The following PARD6G variants were observed in gnomAD, a reference collection of about 807,000 sequenced individuals.
The protein encoded by PARD6G is partitioning defective 6 homolog gamma.
In PARD6G, 7 loss-of-function variants were observed where a neutral mutation model predicts 10.7. The ratio of observed to expected loss-of-function variants is 0.66; its 90% CI spans 0.37 to 1.23. PARD6G has a LOEUF of 1.23. PARD6G is among the 50% of genes most tolerant of loss of function. PARD6G has a pLI of 0.02. For missense variants in PARD6G, 548 were observed against 571.8 expected (o/e 0.96, Z 0.42); for synonymous variants, 287 against 269.4 (o/e 1.07, Z -0.64).
intron 1 of PARD6G, among the ~76,000 whole-genome samples, chr18:80,215,126 T>C (rs924891289): frequency 2.0e-5 from 3 of 152,068 alleles, no homozygotes; most frequent in African/African-American, 7.2e-5. Flanking sequence ...TAAGCTATCC[T>C]TCCAAAAATG....
chr18:80,209,085 G>A (rs1304202649), intron 1 of PARD6G, among the ~76,000 whole-genome samples: 4 of 151,690 alleles, frequency 2.6e-5, no homozygotes, highest in Non-Finnish European at 5.9e-5. Flanking sequence ...GAGTAACAGA[G>A]TGAGACTCCA....
rs1335857130 is a variant in PARD6G at position 80,193,445 on chromosome 18, T to C, written c.295+9265A>G. 2.0e-5 allele frequency among the ~76,000 whole-genome samples: 3 copies of C among 152,220 alleles called. No homozygotes were observed. In the East Asian group the frequency reaches 5.8e-4, roughly 29 times the overall value. On this transcript the variant is annotated intron_variant, in intron 2 of 2. Coordinates refer to ENST00000353265, the MANE Select transcript of PARD6G (RefSeq NM_032510.4). ...CCCAAGGACATTTTGTAGAAATTTA[T>C]ACTTTTAGGTACAGAGCTGTTTTTT...
At chr18:80,215,437 A>C (rs1428358524) in intron 1 of PARD6G, among the ~76,000 whole-genome samples, 4 of 152,294 alleles carry the variant, frequency 2.6e-5, no homozygotes, top group African/African-American at 9.6e-5. Context: ...TAATTATAAA[A>C]ATGTTTTGAC....
At position 80,159,739 on chromosome 18, in the gene PARD6G, C is replaced by G; in HGVS notation, c.*32G>C. 7.3e-7 allele frequency: 1 copy of G among 1,369,460 alleles called. No homozygotes were observed. The highest frequency in any genetic ancestry group is 9.4e-7 in the Non-Finnish European group (1 of 1,060,280). The allele number at this position is 1,369,460 out of a possible 1,614,324, so 84.8% of individuals were successfully genotyped here. On this transcript the variant is annotated 3_prime_UTR_variant, in exon 3 of 3. Coordinates refer to ENST00000353265, the MANE Select transcript of PARD6G (RefSeq NM_032510.4). Reference sequence around the variant, plus strand: ...TCCTGTCCCTGTCCTTACCGGGGAACTGGAGCTAGGATTTGGGGGCCTCTC... The same window carrying G: ...TCCTGTCCCTGTCCTTACCGGGGAAGTGGAGCTAGGATTTGGGGGCCTCTC...
Position 80,202,744 on chromosome 18 carries a change from T to G in PARD6G, c.261A>C (p.Ala87=), listed in dbSNP as rs1967020136. The G allele has an allele frequency of 1.9e-6, 3 of 1,613,356 alleles. No individual in the cohort carries two copies. In the South Asian group the frequency reaches 3.3e-5, roughly 18 times the overall value. ...GGATGAAGACCCTGAGCAGGGGATTTGCACTAGAAACCGCCTTGCAGAAGT... is the reference window on the plus strand; with the variant it reads ...GGATGAAGACCCTGAGCAGGGGATTGGCACTAGAAACCGCCTTGCAGAAGT... ...DDNFCKAVSS[A]NPLLRVFIQK... The change falls in exon 2 of 3, where the codon GCA becomes GCC. Residue 87 remains alanine, a synonymous_variant. Transcript: ENST00000353265.
intron 2 of PARD6G, chr18:80,178,143 G>C (rs2052827141): frequency 6.0e-6 from 1 of 167,130 alleles, no homozygotes; most frequent in African/African-American, 2.4e-5. Flanking sequence ...GGGAGACCTG[G>C]ATTGCATCCC....
chr18:80,232,504 A>G lies in PARD6G; in HGVS notation c.72+14773T>C, dbSNP rs1192579813. 5.3e-5 allele frequency among the ~76,000 whole-genome samples: 8 copies of G among 152,088 alleles called. No individual in the cohort carries two copies. In the South Asian group the frequency reaches 1.5e-3, roughly 28 times the overall value. On this transcript the variant is annotated intron_variant, in intron 1 of 2. Coordinates refer to ENST00000353265, the MANE Select transcript of PARD6G (RefSeq NM_032510.4). ...GCACTTCTTACATGGTGGCAGCAAG[A>G]AAAAAATGAGGAAGATATGAAAGTG...
At chr18:80,206,644 G>A (rs1354998939) in intron 1 of PARD6G, among the ~76,000 whole-genome samples, 4 of 152,224 alleles carry the variant, frequency 2.6e-5, no homozygotes, top group Non-Finnish European at 1.5e-5. Flanking sequence ...GAACTGAGCT[G>A]TGCTTAGGGG....
chr18:80,196,096 C>A (rs1966953798), intron 2 of PARD6G, among the ~76,000 whole-genome samples: 1 of 151,954 alleles, frequency 6.6e-6, no homozygotes, highest in African/African-American at 2.4e-5. Context: ...AAAATTGTAA[C>A]AATTTAAATA....
intron 2 of PARD6G, among the ~76,000 whole-genome samples, chr18:80,176,297 C>G (rs944861483): frequency 6.6e-6 from 1 of 152,178 alleles, no homozygotes; most frequent in African/African-American, 2.4e-5. Flanking sequence ...TGTGTCTCTA[C>G]CTGAAAGAGC....
intron 2 of PARD6G, chr18:80,169,578 C>T (rs1418465749): frequency 6.6e-6 from 1 of 152,358 alleles, no homozygotes. Flanking sequence ...CAGCCACTCC[C>T]ACCCCAATTC....
At chr18:80,235,810 G>C (rs2145304757) in intron 1 of PARD6G, among the ~76,000 whole-genome samples, 1 of 152,254 alleles carries the variant, frequency 6.6e-6, no homozygotes. Context: ...GGAAGAAGTT[G>C]AATCTCTGAA....
At chr18:80,187,299 C>A (rs1599856317) in intron 2 of PARD6G, among the ~76,000 whole-genome samples, 1 of 152,192 alleles carries the variant, frequency 6.6e-6, no homozygotes, top group Non-Finnish European at 1.5e-5. Context: ...CAGCTGACTC[C>A]CTCCCAGTGA....
intron 2 of PARD6G, among the ~76,000 whole-genome samples, chr18:80,185,544 C>A (rs1012760015): frequency 1.3e-5 from 2 of 152,032 alleles, no homozygotes; most frequent in Non-Finnish European, 2.9e-5. Flanking sequence ...GAATGTCACA[C>A]GACCTAGATG....
In PARD6G at chr18:80,224,418, T is replaced by C. The variant is rs536900060; in HGVS notation, c.73-21486A>G. 3.3e-5 allele frequency among the ~76,000 whole-genome samples: 5 copies of C among 152,350 alleles called. No individual in the cohort carries two copies. The South Asian group carries it at 8.3e-4, about 25-fold the overall frequency. On this transcript the variant is annotated intron_variant, in intron 1 of 2. Coordinates refer to ENST00000353265, the MANE Select transcript of PARD6G (RefSeq NM_032510.4). ...CCTGACTGCCTGGGCCCTGATTCAG[T>C]ATGTTCTGGACAAACCTCCTCATCA...
chr18:80,214,671 A>G (rs1305670497), intron 1 of PARD6G, among the ~76,000 whole-genome samples: 1 of 152,120 alleles, frequency 6.6e-6, no homozygotes, highest in Non-Finnish European at 1.5e-5. Context: ...CAATCAGAGG[A>G]GCAGAAAGAA....
chr18:80,210,602 A>G (rs1195478981), intron 1 of PARD6G, among the ~76,000 whole-genome samples: 1 of 152,208 alleles, frequency 6.6e-6, no homozygotes, highest in East Asian at 1.9e-4. Flanking sequence ...GCTGAACACA[A>G]TCAGCATCAG....
intron 1 of PARD6G, among the ~76,000 whole-genome samples, chr18:80,218,139 CT>C (rs1425454827): frequency 4.0e-4 from 61 of 152,124 alleles, no homozygotes; most frequent in Non-Finnish European, 6.6e-4. Context: ...CCTCCAAAAT[CT>C]CATGTCCTCA....
At chr18:80,202,664 A>T (rs1409762274) in intron 2 of PARD6G, 46 bp downstream of exon 2, 1 of 1,546,536 alleles carries the variant, frequency 6.5e-7, no homozygotes, top group Non-Finnish European at 8.9e-7. Context: ...GTATTTTAAA[A>T]ATGATTTCTC....
Sources: gnomAD v4.1 joint callset for allele counts (sites outside exome capture counted in the v4.1 genomes callset) on GRCh38, gnomAD v4.1.1 for gene constraint, MANE v1.5 for transcripts, NCBI Gene and HGNC (gene_info 2026-07-23, HGNC 2026-07-21) for gene names.